The following RORA variants were observed in gnomAD, a reference collection of about 807,000 sequenced individuals.
The protein encoded by RORA is RAR related orphan receptor A, also known as nuclear receptor ROR-alpha.
A neutral mutation model predicts 69.5 loss-of-function variants in RORA; 7 were observed. The observed-to-expected ratio is 0.10, with a 90% confidence interval of 0.06 to 0.19. RORA has a LOEUF of 0.19. Ranked by LOEUF, RORA falls within the 10% of genes least tolerant of loss-of-function variation. RORA has a pLI of 1.00. For synonymous variants in RORA, 261 were observed against 240.8 expected, an observed-to-expected ratio of 1.08 and a Z score of -0.78; for missense variants, 457 against 663.0, an observed-to-expected ratio of 0.69 and a Z score of 3.41.
chr15:61,016,754 G>A (rs1428315322), intron 1 of RORA, among the ~76,000 whole-genome samples: 1 of 152,092 alleles, frequency 6.6e-6, no homozygotes, highest in Admixed American at 6.6e-5. Context: ...ACAAGTCACT[G>A]GGCAATTAGA....
intron 1 of RORA, among the ~76,000 whole-genome samples, chr15:60,747,475 C>T (rs887480516): frequency 6.6e-6 from 1 of 152,118 alleles, no homozygotes; most frequent in African/African-American, 2.4e-5. Context: ...TACTTAGCCT[C>T]GATCTATTAA....
At chr15:60,818,745 T>C (rs552337021) in intron 1 of RORA, among the ~76,000 whole-genome samples, 16 of 152,256 alleles carry the variant, frequency 1.1e-4, no homozygotes, top group Non-Finnish European at 2.2e-4. Context: ...CTTTCATCAG[T>C]AGGACAATGA....
chr15:61,053,501 C>T (rs2078043594), intron 1 of RORA, among the ~76,000 whole-genome samples: 1 of 152,046 alleles, frequency 6.6e-6, no homozygotes, highest in Non-Finnish European at 1.5e-5. Context: ...ATTTCCATGG[C>T]TGCCATGAAG....
intron 1 of RORA, among the ~76,000 whole-genome samples, chr15:60,832,307 T>C (rs536907286): frequency 6.6e-6 from 1 of 152,296 alleles, no homozygotes; most frequent in South Asian, 2.1e-4. Flanking sequence ...GGAATTTTCC[T>C]GGTTTTAGCA....
intron 1 of RORA, among the ~76,000 whole-genome samples, chr15:60,691,229 C>T (rs1239050584): frequency 6.6e-6 from 1 of 152,158 alleles, no homozygotes; most frequent in Non-Finnish European, 1.5e-5. Flanking sequence ...GCTTCCCAGC[C>T]GGCTTATCCA....
intron 1 of RORA, among the ~76,000 whole-genome samples, chr15:60,766,666 C>T (rs1482075052): frequency 1.0e-5 from 1 of 97,408 alleles, no homozygotes; most frequent in Non-Finnish European, 2.1e-5. Context: ...CCTTCACAGA[C>T]TGCACTTTTT....
intron 1 of RORA, among the ~76,000 whole-genome samples, chr15:61,174,257 C>A (rs1208052178): frequency 6.6e-6 from 1 of 152,190 alleles, no homozygotes; most frequent in Non-Finnish European, 1.5e-5. Context: ...GTCCCCCCTG[C>A]CCCCACACCA....
intron 1 of RORA, among the ~76,000 whole-genome samples, chr15:61,105,356 C>G (rs1467706518): frequency 6.6e-6 from 1 of 152,174 alleles, no homozygotes; most frequent in African/African-American, 2.4e-5. Flanking sequence ...TATATACTCA[C>G]TAAGTGTGTT....
chr15:60,728,770 C>A (rs1015841618), intron 1 of RORA, among the ~76,000 whole-genome samples: 5 of 152,082 alleles, frequency 3.3e-5, no homozygotes, highest in African/African-American at 7.2e-5. Flanking sequence ...AGGCACAGAT[C>A]CTGCCCTAAA....
chr15:60,842,987 G>A (rs2073219275), intron 1 of RORA, among the ~76,000 whole-genome samples: 1 of 152,060 alleles, frequency 6.6e-6, no homozygotes, highest in Non-Finnish European at 1.5e-5. Flanking sequence ...TCCTGCAGCA[G>A]CCTCTTTCTC....
intron 1 of RORA, among the ~76,000 whole-genome samples, chr15:60,751,701 T>C (rs1304071925): frequency 2.6e-5 from 4 of 152,184 alleles, no homozygotes; most frequent in African/African-American, 4.8e-5. Context: ...GTTACCTTCC[T>C]GCATCCTCTC....
chr15:60,512,413 C>A (rs1012648757), intron 4 of RORA, among the ~76,000 whole-genome samples: 1 of 152,120 alleles, frequency 6.6e-6, no homozygotes, highest in African/African-American at 2.4e-5. Flanking sequence ...TGGCCTCCTA[C>A]GTAGCTGGGA....
intron 1 of RORA, among the ~76,000 whole-genome samples, chr15:60,991,693 T>C (rs775135879): frequency 6.6e-6 from 1 of 151,936 alleles, no homozygotes; most frequent in Non-Finnish European, 1.5e-5. Flanking sequence ...ATCCCAGCAG[T>C]TCAAGGCTAG....
chr15:60,697,872 AAC>A (rs1182850533), intron 1 of RORA, among the ~76,000 whole-genome samples: 4 of 152,192 alleles, frequency 2.6e-5, no homozygotes, highest in South Asian at 2.1e-4. Flanking sequence ...CTGGGAGAGA[AAC>A]ACAGAGTTAT....
At chr15:60,704,302 T>C (rs2071028364) in intron 1 of RORA, among the ~76,000 whole-genome samples, 1 of 152,158 alleles carries the variant, frequency 6.6e-6, no homozygotes, top group Non-Finnish European at 1.5e-5. Context: ...CGGCATGCGG[T>C]TGCAAGGAGA....
intron 1 of RORA, among the ~76,000 whole-genome samples, chr15:60,700,657 A>C (rs962387152): frequency 3.9e-5 from 6 of 152,254 alleles, no homozygotes; most frequent in East Asian, 1.9e-4. Context: ...GGCATCAAGG[A>C]AGTTACTTAA....
At chr15:60,927,664 C>T (rs1227279047) in intron 1 of RORA, among the ~76,000 whole-genome samples, 2 of 152,120 alleles carry the variant, frequency 1.3e-5, no homozygotes, top group African/African-American at 4.8e-5. Flanking sequence ...ATCCCAGCTA[C>T]TGGGAAGGCT....
chr15:60,715,664 T>C (rs1169043244), intron 1 of RORA, among the ~76,000 whole-genome samples: 2 of 152,224 alleles, frequency 1.3e-5, no homozygotes, highest in African/African-American at 4.8e-5. Flanking sequence ...TTCCTTTAGC[T>C]TTCCAAACAG....
chr15:60,640,333 A>G (rs1311994878), intron 2 of RORA, among the ~76,000 whole-genome samples: 1 of 152,176 alleles, frequency 6.6e-6, no homozygotes, highest in African/African-American at 2.4e-5. Flanking sequence ...ACTTCTCTCT[A>G]TTGTCATTGC....
Sources: allele counts gnomAD v4.1 joint callset (sites outside exome capture counted in the v4.1 genomes callset), GRCh38; gene constraint gnomAD v4.1.1; transcripts MANE v1.5; gene names NCBI Gene and HGNC (gene_info 2026-07-23, HGNC 2026-07-21).